The following ACO2 variants were observed in gnomAD, a reference collection of about 807,000 sequenced individuals.
The protein encoded by ACO2 is aconitase 2, also known as aconitate hydratase, mitochondrial.
ACO2 carries 31 observed loss-of-function variants against 84.5 expected under a neutral mutation model. The ratio of observed to expected loss-of-function variants is 0.37; its 90% CI spans 0.28 to 0.50. ACO2 has a LOEUF of 0.50. Ranked by LOEUF, ACO2 falls within the 20% of genes least tolerant of loss-of-function variation. ACO2 has a pLI of 0.97. For missense variants in ACO2, 685 were observed against 1,029.3 expected (o/e 0.67, Z 4.58); for synonymous variants, 414 against 412.7 (o/e 1.00, Z -0.04).
intron 4 of ACO2, among the ~76,000 whole-genome samples, chr22:41,513,808 C>A (rs1271731870): frequency 6.6e-6 from 1 of 152,080 alleles, no homozygotes; most frequent in Non-Finnish European, 1.5e-5. Flanking sequence ...TTCTTCCCAG[C>A]CCTCACCCCC....
chr22:41,470,948 T>G (rs1345675994), intron 1 of ACO2, among the ~76,000 whole-genome samples: 1 of 152,152 alleles, frequency 6.6e-6, no homozygotes, highest in Non-Finnish European at 1.5e-5. Flanking sequence ...GATAAATGAT[T>G]ATAGAGTTCT....
At chr22:41,513,261 C>T (rs2066449228) in intron 4 of ACO2, among the ~76,000 whole-genome samples, 1 of 152,198 alleles carries the variant, frequency 6.6e-6, no homozygotes, top group Admixed American at 6.5e-5. Flanking sequence ...AGCTCCTGGG[C>T]CAAAGTTTGG....
At chr22:41,470,528 C>CTTTTTTTTTTTTTTTTTTTTT (rs71184811) in intron 1 of ACO2, among the ~76,000 whole-genome samples, 2 of 95,858 alleles carry the variant, frequency 2.1e-5, no homozygotes, top group Non-Finnish European at 4.2e-5. Flanking sequence ...CTCTTTACAT[C>CTTTTTTTTTTTTTTTTTTTTT]TTTTTTTTTT....
At chr22:41,528,214 C>G (rs2146156021) in intron 17 of ACO2, 192 bp downstream of exon 17, 1 of 913,712 alleles carries the variant, frequency 1.1e-6, no homozygotes. Flanking sequence ...ACCCGGGGCC[C>G]TCACACCTCC....
In ACO2 at chr22:41,514,936, G is replaced by T. The variant is rs780734312; in HGVS notation, c.526-441G>T. On this transcript the variant is annotated intron_variant, in intron 4 of 17. Coordinates refer to ENST00000216254, the MANE Select transcript of ACO2 (RefSeq NM_001098.3). ...CCAGGACTTCTTCCTCAGGGGCCTT[G>T]TGGGGCTGGAGCCAGCTCCTGGAAG... Among the ~76,000 whole-genome samples the T allele has an allele frequency of 9.4e-4, 143 of 152,350 alleles. 1 individual carries two copies. The Middle Eastern group carries it at 0.014, about 14-fold the overall frequency.
chr22:41,473,416 A>G (rs957180020), intron 1 of ACO2, among the ~76,000 whole-genome samples: 4 of 152,202 alleles, frequency 2.6e-5, no homozygotes, highest in Non-Finnish European at 5.9e-5. Flanking sequence ...AGGCAGGAGA[A>G]TCACTTGAAC....
intron 1 of ACO2, among the ~76,000 whole-genome samples, chr22:41,495,395 C>T (rs2066305717): frequency 6.6e-6 from 1 of 152,068 alleles, no homozygotes; most frequent in South Asian, 2.1e-4. Flanking sequence ...CGGTCTCAAG[C>T]AATCTTCCTG....
chr22:41,504,509 T>C (rs1212700634), intron 2 of ACO2, among the ~76,000 whole-genome samples: 1 of 152,154 alleles, frequency 6.6e-6, no homozygotes, highest in Non-Finnish European at 1.5e-5. Flanking sequence ...TCCAAGGTCT[T>C]GGGTTTTTAA....
chr22:41,480,327 A>T (rs779656736), intron 1 of ACO2, among the ~76,000 whole-genome samples: 2 of 152,190 alleles, frequency 1.3e-5, no homozygotes, highest in Non-Finnish European at 2.9e-5. Flanking sequence ...GTAATGTATG[A>T]GTTCCCCACT....
At chr22:41,525,055 G>A (rs2066568331) in intron 13 of ACO2, 87 bp downstream of exon 13, 1 of 1,607,336 alleles carries the variant, frequency 6.2e-7, no homozygotes, top group Non-Finnish European at 8.5e-7. Flanking sequence ...TGCAGGCAGG[G>A]AGGGCGCTGC....
At chr22:41,484,856 G>C (rs1053964467) in intron 1 of ACO2, among the ~76,000 whole-genome samples, 3 of 150,358 alleles carry the variant, frequency 2.0e-5, no homozygotes, top group Non-Finnish European at 2.9e-5. Context: ...ACAGAGCTGG[G>C]CTTTGGAGTC....
chr22:41,516,762 G>A (rs537664841), intron 6 of ACO2, among the ~76,000 whole-genome samples: 3 of 152,058 alleles, frequency 2.0e-5, no homozygotes, highest in South Asian at 2.1e-4. Flanking sequence ...TAACTCTGTC[G>A]CCCAGGCTGG....
At chr22:41,525,025 CA>C in intron 13 of ACO2, 57 bp downstream of exon 13, 1 of 1,613,462 alleles carries the variant, frequency 6.2e-7, no homozygotes, top group South Asian at 1.1e-5. Context: ...ACTTCCTTCT[CA>C]ACCTCACAGC....
chr22:41,499,055 C>T (rs1205372635), intron 1 of ACO2, among the ~76,000 whole-genome samples: 2 of 151,334 alleles, frequency 1.3e-5, no homozygotes, highest in African/African-American at 4.9e-5. Flanking sequence ...CGAGATCCCA[C>T]CACTGCACTC....
chr22:41,513,238 A>C lies in ACO2; in HGVS notation c.525+1270A>C, dbSNP rs372178796. On this transcript the variant is annotated intron_variant, in intron 4 of 17. Transcript: ENST00000216254. The stretch of plus-strand genomic sequence containing the variant: ...CCTTTCTACCTCAGTACAAATGCCC[A>C]GGCCTTTATGGCAGCTCCTGGGCCA... Among the ~76,000 whole-genome samples, 355 of 152,352 alleles carry C rather than the reference A, an allele frequency of 2.3e-3. 13 individuals are homozygous for C. The South Asian group carries it at 0.072, about 31-fold the overall frequency.
Position 41,528,798 on chromosome 22 carries a change from GCC to G in ACO2, c.*189_*190del. 1 of 778,548 alleles carries G rather than the reference GCC, an allele frequency of 1.3e-6. No homozygotes were observed. Among genetic ancestry groups the G allele is most frequent in the African/African-American group, 1.8e-5 (1 of 56,600 alleles). The allele number at this position is 778,548 out of a possible 1,614,324, so 48.2% of individuals were successfully genotyped here. On this transcript the variant is annotated 3_prime_UTR_variant, in exon 18 of 18. Coordinates refer to ENST00000216254, the MANE Select transcript of ACO2 (RefSeq NM_001098.3). The stretch of plus-strand genomic sequence containing the variant: ...GGGGGGTTCTTAAAATAACTTTTTA[GCC>G]CCCGTCTTCCTATTTTGAGTTTGGT...
chr22:41,524,505 T>C (rs2066559760), intron 12 of ACO2, among the ~76,000 whole-genome samples: 1 of 152,368 alleles, frequency 6.6e-6, no homozygotes, highest in South Asian at 2.1e-4. Flanking sequence ...ATGTTTTTAG[T>C]GTCCTGCGCA....
chr22:41,484,835 G>A (rs1241876485), intron 1 of ACO2, among the ~76,000 whole-genome samples: 2 of 150,948 alleles, frequency 1.3e-5, no homozygotes, highest in African/African-American at 2.4e-5. Flanking sequence ...TTGTCATGTA[G>A]GTAGTAAGTG....
chr22:41,525,046 G>C, intron 13 of ACO2, 78 bp downstream of exon 13: 4 of 1,610,228 alleles, frequency 2.5e-6, no homozygotes, highest in Non-Finnish European at 3.4e-6. Flanking sequence ...CACCTCCTGT[G>C]CAGGCAGGGA....
Sources: gnomAD v4.1 joint callset for allele counts (sites outside exome capture counted in the v4.1 genomes callset) on GRCh38, gnomAD v4.1.1 for gene constraint, MANE v1.5 for transcripts, NCBI Gene and HGNC (gene_info 2026-07-23, HGNC 2026-07-21) for gene names.